The following SNX29 variants were observed in gnomAD, a reference collection of about 807,000 sequenced individuals.
The protein encoded by SNX29 is sorting nexin 29, also known as sorting nexin-29.
SNX29 carries 78 observed loss-of-function variants against 102.1 expected under a neutral mutation model. The ratio of observed to expected loss-of-function variants is 0.76; its 90% CI spans 0.64 to 0.92. The LOEUF (loss-of-function observed/expected upper bound fraction) is 0.92, where lower values mean the gene tolerates loss of function less well. SNX29 is among the 40% of genes least tolerant of loss of function. The probability of loss-of-function intolerance (pLI) is 0.00; values close to 1 mark genes in which losing one functional copy is unlikely to be tolerated. For missense variants in SNX29, 1,280 were observed against 1,061.7 expected (o/e 1.21, Z -2.86); for synonymous variants, 580 against 414.5 (o/e 1.40, Z -4.85).
At chr16:12,024,059 C>T (rs868428273) in intron 3 of SNX29, among the ~76,000 whole-genome samples, 5 of 152,012 alleles carry the variant, frequency 3.3e-5, no homozygotes, top group African/African-American at 4.8e-5. Context: ...GAGTGGCGAG[C>T]GCTGCAGTAC....
chr16:12,221,420 G>C (rs2077474295), intron 14 of SNX29, among the ~76,000 whole-genome samples: 1 of 152,178 alleles, frequency 6.6e-6, no homozygotes, highest in African/African-American at 2.4e-5. Flanking sequence ...TTTGAGATCA[G>C]CCTGGCCATC....
Position 12,371,833 on chromosome 16 carries a change from C to T in SNX29, c.1899+15554C>T, listed in dbSNP as rs59023528. ...AGATGGCGAAGCAGGACCTGACTCT[C>T]GCCTTCGCCCTATGTCTTTTCGTCT... is the stretch of plus-strand genomic sequence containing the variant. On this transcript the variant is annotated intron_variant, in intron 16 of 20. Coordinates refer to ENST00000566228, the MANE Select transcript of SNX29 (RefSeq NM_032167.5). Among the ~76,000 whole-genome samples, 409 of 152,278 alleles carry T rather than the reference C, an allele frequency of 2.7e-3. 2 individuals carry two copies. The highest frequency in any genetic ancestry group is 9.1e-3 in the African/African-American group (379 of 41,546).
At chr16:12,403,639 A>G (rs2084048920) in intron 18 of SNX29, 110 bp downstream of exon 18, 3 of 1,048,094 alleles carry the variant, frequency 2.9e-6, no homozygotes, top group East Asian at 2.6e-5. Context: ...TTAGGAGGCT[A>G]TGGCCTTCCA....
At chr16:12,381,934 G>A (rs1414403979) in intron 16 of SNX29, among the ~76,000 whole-genome samples, 2 of 150,526 alleles carry the variant, frequency 1.3e-5, no homozygotes, top group African/African-American at 4.9e-5. Flanking sequence ...CACACATCCG[G>A]CATTTCTAAG....
chr16:12,088,049 T>A, intron 11 of SNX29: 1 of 456,580 alleles, frequency 2.2e-6, no homozygotes, highest in Non-Finnish European at 4.4e-6. Context: ...TTTGCTTGTG[T>A]CTCTAGGCTA....
At chr16:12,209,861 T>C (rs908559886) in intron 14 of SNX29, among the ~76,000 whole-genome samples, 1 of 152,180 alleles carries the variant, frequency 6.6e-6, no homozygotes, top group African/African-American at 2.4e-5. Flanking sequence ...TTGTCGAGCC[T>C]GAAGACTCGC....
At chr16:12,207,810 G>A (rs1303686306) in intron 14 of SNX29, among the ~76,000 whole-genome samples, 1 of 152,124 alleles carries the variant, frequency 6.6e-6, no homozygotes, top group East Asian at 1.9e-4. Flanking sequence ...GCAGAGTCTG[G>A]CATTTGCTTT....
At chr16:12,398,542 C>G in intron 17 of SNX29, 41 bp downstream of exon 17, 1 of 1,609,786 alleles carries the variant, frequency 6.2e-7, no homozygotes. Context: ...CCTTTAGAAA[C>G]TGGACTCTGT....
intron 20 of SNX29, among the ~76,000 whole-genome samples, chr16:12,531,157 C>T (rs557245906): frequency 4.6e-5 from 7 of 152,320 alleles, no homozygotes; most frequent in South Asian, 2.1e-4. Flanking sequence ...TGATCTGGAT[C>T]GAAGGGGAAG....
intron 15 of SNX29, among the ~76,000 whole-genome samples, chr16:12,322,133 A>G (rs1424848105): frequency 1.3e-5 from 2 of 152,188 alleles, no homozygotes; most frequent in Non-Finnish European, 2.9e-5. Flanking sequence ...CCCTACCTGC[A>G]GGTTGAGAAC....
intron 18 of SNX29, among the ~76,000 whole-genome samples, chr16:12,413,616 A>G (rs972374059): frequency 4.6e-5 from 7 of 152,108 alleles, no homozygotes; most frequent in Middle Eastern, 3.2e-3. Context: ...CAACGAAGTG[A>G]CGTGAGTGTT....
chr16:12,534,108 G>C (rs1420703759), intron 20 of SNX29, among the ~76,000 whole-genome samples: 1 of 152,232 alleles, frequency 6.6e-6, no homozygotes, highest in Non-Finnish European at 1.5e-5. Flanking sequence ...GGATCGCGAT[G>C]ACAAGGTGCT....
intron 4 of SNX29, among the ~76,000 whole-genome samples, chr16:12,039,504 T>C (rs1185660492): frequency 6.6e-6 from 1 of 152,148 alleles, no homozygotes; most frequent in Non-Finnish European, 1.5e-5. Flanking sequence ...CAGTGGATCC[T>C]AGTGAAGTTG....
chr16:12,494,513 C>T (rs1394546467), intron 19 of SNX29, among the ~76,000 whole-genome samples: 1 of 152,136 alleles, frequency 6.6e-6, no homozygotes, highest in Non-Finnish European at 1.5e-5. Flanking sequence ...AGAGTAAACC[C>T]ACTCCAAAGC....
At chr16:12,099,528 T>G (rs1211878669) in intron 11 of SNX29, among the ~76,000 whole-genome samples, 2 of 152,212 alleles carry the variant, frequency 1.3e-5, no homozygotes, top group South Asian at 2.1e-4. Context: ...CAGGAGCAGA[T>G]GCAGCCTGTC....
intron 1 of SNX29, among the ~76,000 whole-genome samples, chr16:11,987,148 TC>T (rs1270924246): frequency 6.7e-6 from 1 of 150,162 alleles, no homozygotes; most frequent in Non-Finnish European, 1.5e-5. Context: ...CACTGCAGCC[TC>T]AACCTCCTGG....
At chr16:12,335,145 A>G (rs889874906) in intron 15 of SNX29, among the ~76,000 whole-genome samples, 2 of 151,940 alleles carry the variant, frequency 1.3e-5, no homozygotes, top group Non-Finnish European at 2.9e-5. Context: ...CCCAGGACAG[A>G]GGGGCTGCAA....
intron 15 of SNX29, among the ~76,000 whole-genome samples, chr16:12,314,345 C>T (rs1029521261): frequency 1.3e-5 from 2 of 152,192 alleles, no homozygotes; most frequent in African/African-American, 4.8e-5. Flanking sequence ...GCAGATGTAA[C>T]ATATGCACAT....
intron 11 of SNX29, among the ~76,000 whole-genome samples, chr16:12,079,792 G>A (rs779694807): frequency 1.3e-5 from 2 of 152,176 alleles, no homozygotes; most frequent in Non-Finnish European, 2.9e-5. Flanking sequence ...GTCTTGCCTT[G>A]TAGACCAAAA....
Sources: allele counts gnomAD v4.1 joint callset (sites outside exome capture counted in the v4.1 genomes callset), GRCh38; gene constraint gnomAD v4.1.1; transcripts MANE v1.5; gene names NCBI Gene and HGNC (gene_info 2026-07-23, HGNC 2026-07-21).